Variants in PRPF4 observed in about 807,000 individuals in gnomAD.
PRPF4 encodes the protein pre-mRNA splicing tri-snRNP complex factor PRPF4, also known as U4/U6 small nuclear ribonucleoprotein Prp4.
A neutral mutation model predicts 72.2 loss-of-function variants in PRPF4; 14 were observed. The ratio of observed to expected loss-of-function variants is 0.19; its 90% CI spans 0.13 to 0.30. The LOEUF is 0.30. Ranked by LOEUF, PRPF4 falls within the 10% of genes least tolerant of loss-of-function variation. The pLI, the probability that PRPF4 is intolerant of heterozygous loss-of-function variation, is 1.00. For synonymous variants in PRPF4, 225 were observed against 232.2 expected, an observed-to-expected ratio of 0.97 and a Z score of 0.28; for missense variants, 478 against 653.9, an observed-to-expected ratio of 0.73 and a Z score of 2.93.
chr9:113,277,671 C>G (rs1832151295), intron 2 of PRPF4, among the ~76,000 whole-genome samples: 1 of 151,366 alleles, frequency 6.6e-6, no homozygotes. Context: ...CAGGCGTGAG[C>G]CACTGCACCT....
rs552235339 is a variant in PRPF4 at position 113,286,435 on chromosome 9, G to A, written c.808+145G>A. ...TTGGTTTTCTCTGGCTGCAAGACTG[G>A]ACTATCACAACTTCCTACACATCCA... On this transcript the variant is annotated intron_variant, in intron 8 of 13. Coordinates refer to ENST00000374198, the MANE Select transcript of PRPF4 (RefSeq NM_001244926.2). 2.5e-4 allele frequency: 226 copies of A among 902,854 alleles called. No homozygotes were observed. The African/African-American group carries it at 3.5e-3, about 14-fold the overall frequency. 55.9% of individuals were successfully genotyped at this position (902,854 alleles called of 1,614,324 possible). A position where few individuals can be genotyped will look rare whatever the true frequency, so the allele number is the denominator to read the frequency against.
chr9:113,290,739 A>C lies in PRPF4; in HGVS notation c.1185A>C (p.Thr395=). ...TTGGTCGAGTTTGGGACCTACGCAC[A>C]GGACGTTGTATCATGTTCTTAGAAG... ...DAFGRVWDLR[T]GRCIMFLEGH... Residue 395 remains threonine (T), a synonymous_variant, in exon 12 of 14, where the codon ACA becomes ACC. Coordinates refer to ENST00000374198, the MANE Select transcript of PRPF4 (RefSeq NM_001244926.2). 6.2e-7 allele frequency: 1 copy of C among 1,614,228 alleles called. No individual in the cohort carries two copies. The highest frequency in any genetic ancestry group is 1.1e-5 in the South Asian group (1 of 91,084).
intron 9 of PRPF4, among the ~76,000 whole-genome samples, chr9:113,287,208 T>C (rs1004062975): frequency 2.6e-5 from 4 of 152,238 alleles, no homozygotes; most frequent in Non-Finnish European, 5.9e-5. Flanking sequence ...ACTTTGGATC[T>C]TGATTTTTGT....
At chr9:113,277,112 A>G (rs1832132647) in intron 2 of PRPF4, among the ~76,000 whole-genome samples, 1 of 152,000 alleles carries the variant, frequency 6.6e-6, no homozygotes, top group Admixed American at 6.5e-5. Context: ...TGTGCCCGGC[A>G]GAATTTCAAT....
intron 10 of PRPF4, among the ~76,000 whole-genome samples, chr9:113,290,158 T>G (rs7847295): frequency 6.6e-6 from 1 of 151,400 alleles, no homozygotes; most frequent in African/African-American, 2.4e-5. Context: ...AGGTGGAGGT[T>G]GCAGTGAGCC....
chr9:113,278,671 C>T (rs1340067221), intron 2 of PRPF4, among the ~76,000 whole-genome samples: 1 of 152,212 alleles, frequency 6.6e-6, no homozygotes, highest in East Asian at 1.9e-4. Context: ...GTTCTGTACT[C>T]TTACTTGCTG....
intron 10 of PRPF4, among the ~76,000 whole-genome samples, chr9:113,289,710 T>C (rs1832552845): frequency 1.3e-5 from 2 of 152,248 alleles, no homozygotes; most frequent in South Asian, 2.1e-4. Flanking sequence ...TCAGTACCCT[T>C]GTTGAAAATC....
chr9:113,286,135 TG>T (rs1832443280), intron 7 of PRPF4, 96 bp from the exon 8 acceptor site: 1 of 1,338,020 alleles, frequency 7.5e-7, no homozygotes, highest in Non-Finnish European at 1.1e-6. Flanking sequence ...TAAAGTTTAT[TG>T]GGGGTGAGAA....
chr9:113,290,925 C>T lies in PRPF4; in HGVS notation c.1281C>T (p.Asp427=), dbSNP rs1832591478. 6.2e-7 allele frequency: 1 copy of T among 1,614,112 alleles called. No individual in the cohort carries two copies. Among genetic ancestry groups the T allele is most frequent in the Admixed American group, 1.7e-5 (1 of 60,012 alleles). Residue 427 remains aspartate, a synonymous_variant, in exon 13 of 14, where the codon GAC becomes GAT. Coordinates refer to ENST00000374198, the MANE Select transcript of PRPF4 (RefSeq NM_001244926.2). ...ATCACATTGCAACCGGCAGTGGTGACAACACCTGCAAAGTGTGGGACCTCC... is the reference window on the plus strand; with the variant it reads ...ATCACATTGCAACCGGCAGTGGTGATAACACCTGCAAAGTGTGGGACCTCC... ...NGYHIATGSG[D]NTCKVWDLRQ... is the part of the protein sequence containing the mutation.
rs140277577 is a variant in PRPF4, at chr9:113,291,392, G to A, written c.1373-75G>A. On this transcript the variant is annotated intron_variant, in intron 13 of 13. Coordinates refer to ENST00000374198, the MANE Select transcript of PRPF4 (RefSeq NM_001244926.2). ...GTTTTTTTAAAAATAGTATGTTTTT[G>A]CAGACTTTTGTGCTTTTGTCTTCTC... 1,421 of 1,416,238 alleles carry A rather than the reference G, an allele frequency of 1.0e-3. 2 individuals are homozygous for A. Among genetic ancestry groups the A allele is most frequent in the Non-Finnish European group, 1.3e-3 (1,336 of 1,036,834 alleles). 87.7% of individuals were successfully genotyped at this position (1,416,238 alleles called of 1,614,324 possible).
Position 113,291,624 on chromosome 9 carries a change from A to G in PRPF4, c.1530A>G (p.Ser510=). The change falls in exon 14 of 14, where the codon TCA becomes TCG. Residue 510 remains serine (S), a synonymous_variant. Transcript: ENST00000374198. ...SSDGQLIATC[S]YDRTFKLWMA... is the part of the protein sequence containing the mutation. ...ATGGGCAGCTCATAGCCACTTGCTC[A>G]TATGACAGGACCTTCAAGCTGTGGA... 1.9e-6 allele frequency: 3 copies of G among 1,614,224 alleles called. No individual in the cohort carries two copies. Among genetic ancestry groups the G allele is most frequent in the Non-Finnish European group, 2.5e-6 (3 of 1,180,046 alleles).
chr9:113,276,860 G>T, intron 2 of PRPF4, 135 bp downstream of exon 2: 1 of 1,019,828 alleles, frequency 9.8e-7, no homozygotes, highest in Middle Eastern at 3.5e-4. Flanking sequence ...CTGTCGCCAG[G>T]CTGGAGTGCA....
intron 2 of PRPF4, among the ~76,000 whole-genome samples, chr9:113,278,160 T>G (rs10817474): frequency 0.23 from 34,914 of 152,212 alleles, 4,806 homozygotes; most frequent in South Asian, 0.38. Context: ...CCCCCATTTT[T>G]CATTTATATA....
intron 3 of PRPF4, among the ~76,000 whole-genome samples, chr9:113,282,344 TA>T (rs1450134442): frequency 6.6e-6 from 1 of 152,056 alleles, no homozygotes; most frequent in Non-Finnish European, 1.5e-5. Flanking sequence ...TGTAGCAGTG[TA>T]CATGTAGTCC....
In PRPF4 at chr9:113,291,744, C is replaced by G. The variant is rs111527853; in HGVS notation, c.*84C>G. On this transcript the variant is annotated 3_prime_UTR_variant, in exon 14 of 14. Transcript: ENST00000374198. ...ACGAGAAGAATTGAAGTGTTTAGTTCTATCATGTTTTCTGCCAATTACCAT... is the reference window on the plus strand; with the variant it reads ...ACGAGAAGAATTGAAGTGTTTAGTTGTATCATGTTTTCTGCCAATTACCAT... 961 of 1,361,582 alleles carry G rather than the reference C, an allele frequency of 7.1e-4. 5 individuals are homozygous for G. The African/African-American group carries it at 0.012, about 17-fold the overall frequency. The allele number at this position is 1,361,582 out of a possible 1,614,324, so 84.3% of individuals were successfully genotyped here.
At chr9:113,290,653 C>T in intron 11 of PRPF4, 47 bp from the exon 12 acceptor site, 1 of 1,614,092 alleles carries the variant, frequency 6.2e-7, no homozygotes. Flanking sequence ...TACCTGCTTC[C>T]ACAGAGAACT....
intron 7 of PRPF4, 33 bp downstream of exon 7, chr9:113,284,422 A>G (rs1457806405): frequency 6.5e-7 from 1 of 1,539,086 alleles, no homozygotes; most frequent in African/African-American, 1.4e-5. Flanking sequence ...ATTTTTTCCT[A>G]AATGGGGAAC....
chr9:113,280,002 G>A (rs1368336269), intron 3 of PRPF4, among the ~76,000 whole-genome samples: 1 of 152,080 alleles, frequency 6.6e-6, no homozygotes, highest in Non-Finnish European at 1.5e-5. Context: ...CATCCAGCTT[G>A]TTGGAAGGGT....
intron 10 of PRPF4, among the ~76,000 whole-genome samples, chr9:113,288,505 C>T (rs946238623): frequency 2.6e-5 from 4 of 151,150 alleles, no homozygotes; most frequent in Non-Finnish European, 4.4e-5. Context: ...GGCGCGATCT[C>T]GGCTCACTGC....
Sources: gnomAD v4.1 joint callset for allele counts (sites outside exome capture counted in the v4.1 genomes callset) on GRCh38, gnomAD v4.1.1 for gene constraint, MANE v1.5 for transcripts, NCBI Gene and HGNC (gene_info 2026-07-23, HGNC 2026-07-21) for gene names.